EXOC6: variants seen among roughly 807,000 people sequenced by gnomAD.
EXOC6 encodes exocyst complex component 6.
In EXOC6, 60 loss-of-function variants were observed where a neutral mutation model predicts 112.5. The observed-to-expected ratio is 0.53, with a 90% CI of 0.43 to 0.66. The LOEUF is 0.66. EXOC6 is among the 30% of genes least tolerant of loss of function. EXOC6 has a pLI of 0.00. For synonymous variants in EXOC6, 295 were observed against 308.0 expected (o/e 0.96, Z 0.44); for missense variants, 855 against 957.1 (o/e 0.89, Z 1.41).
At chr10:93,016,247 C>T (rs1406277752) in intron 20 of EXOC6, among the ~76,000 whole-genome samples, 2 of 152,020 alleles carry the variant, frequency 1.3e-5, no homozygotes, top group Non-Finnish European at 2.9e-5. Context: ...AATTCTCCTG[C>T]TTTAGCCTCC....
chr10:93,022,554 A>G (rs1844835860), intron 20 of EXOC6, among the ~76,000 whole-genome samples: 1 of 152,172 alleles, frequency 6.6e-6, no homozygotes, highest in Non-Finnish European at 1.5e-5. Context: ...ATATGCAACT[A>G]ATTCCTTAGC....
intron 8 of EXOC6, among the ~76,000 whole-genome samples, chr10:92,926,679 A>G (rs1056631627): frequency 5.3e-5 from 8 of 152,084 alleles, no homozygotes; most frequent in African/African-American, 1.9e-4. Context: ...GATTACAGGC[A>G]CGTACCACCA....
At chr10:92,928,191 A>G (rs1851828577) in intron 8 of EXOC6, 148 bp from the exon 9 acceptor site, 1 of 502,362 alleles carries the variant, frequency 2.0e-6, no homozygotes, top group Non-Finnish European at 3.5e-6. Flanking sequence ...TAATGGCAAA[A>G]CTTATTCTTG....
At position 92,973,982 on chromosome 10, in the gene EXOC6, T is replaced by C. The variant is rs901320737; in HGVS notation, c.1774-71T>C. The C allele has an allele frequency of 1.0e-5, 12 of 1,203,860 alleles. No individual in the cohort carries two copies. The African/African-American group carries it at 1.9e-4, about 19-fold the overall frequency. 74.6% of individuals were successfully genotyped at this position (1,203,860 alleles called of 1,614,324 possible). On this transcript the variant is annotated intron_variant, in intron 17 of 21. Coordinates refer to ENST00000260762, the MANE Select transcript of EXOC6 (RefSeq NM_019053.6). ...TAAACCAAAGGTAAATGTAAAATAA[T>C]ATCTAGAATTGTAAGAACACTTGTT...
intron 17 of EXOC6, among the ~76,000 whole-genome samples, chr10:92,966,518 A>G (rs1156667901): frequency 7.1e-6 from 1 of 141,278 alleles, no homozygotes; most frequent in Non-Finnish European, 1.5e-5. Flanking sequence ...ATTCCCATCT[A>G]TGAGTGAGAA....
rs146657161 is a variant in EXOC6, at chr10:92,949,727, G to A, written c.1416+1348G>A. Among the ~76,000 whole-genome samples, 502 of 152,070 alleles carry A rather than the reference G, an allele frequency of 3.3e-3. 3 individuals are homozygous for A. Among genetic ancestry groups the A allele is most frequent in the African/African-American group, 0.012 (477 of 41,452 alleles). ...CCTGCCTCAGCCTCCCAAGTAGCTG[G>A]GATTACAGGCATGCGCCACCATGCC... On this transcript the variant is annotated intron_variant, in intron 14 of 21. Coordinates refer to ENST00000260762, the MANE Select transcript of EXOC6 (RefSeq NM_019053.6).
At chr10:92,853,792 C>T (rs571659063) in intron 1 of EXOC6, among the ~76,000 whole-genome samples, 37 of 151,974 alleles carry the variant, frequency 2.4e-4, no homozygotes, top group African/African-American at 7.7e-4. Flanking sequence ...TACTAGAAAA[C>T]ATAGGAGGAA....
intron 1 of EXOC6, among the ~76,000 whole-genome samples, chr10:92,871,254 C>T (rs1480223499): frequency 3.9e-5 from 6 of 152,172 alleles, no homozygotes; most frequent in South Asian, 2.1e-4. Context: ...CAGCCTAGCA[C>T]GGTGACTCAT....
At chr10:92,910,439 C>A (rs1850679423) in intron 6 of EXOC6, among the ~76,000 whole-genome samples, 1 of 152,044 alleles carries the variant, frequency 6.6e-6, no homozygotes, top group Non-Finnish European at 1.5e-5. Flanking sequence ...TGGAAAAAAT[C>A]AGAACAGTGG....
At chr10:93,041,402 A>G (rs1845770048) in intron 20 of EXOC6, among the ~76,000 whole-genome samples, 1 of 151,914 alleles carries the variant, frequency 6.6e-6, no homozygotes, top group Non-Finnish European at 1.5e-5. Context: ...TTATTTATTT[A>G]TTTATTTGAG....
chr10:92,916,292 CTTG>C (rs1851083320), intron 7 of EXOC6, among the ~76,000 whole-genome samples: 3 of 152,246 alleles, frequency 2.0e-5, no homozygotes, highest in Admixed American at 1.3e-4. Flanking sequence ...GGGTGGATCA[CTTG>C]AGGCAGGAGT....
chr10:92,856,811 T>G (rs1296658760), intron 1 of EXOC6, among the ~76,000 whole-genome samples: 1 of 152,138 alleles, frequency 6.6e-6, no homozygotes, highest in Non-Finnish European at 1.5e-5. Flanking sequence ...TCAGGCTCTG[T>G]TGTTAGATGC....
intron 5 of EXOC6, among the ~76,000 whole-genome samples, chr10:92,909,025 A>G (rs546835404): frequency 2.0e-5 from 3 of 152,262 alleles, no homozygotes; most frequent in African/African-American, 7.2e-5. Context: ...ATGTTATGTA[A>G]TTTTTGTGTG....
intron 1 of EXOC6, among the ~76,000 whole-genome samples, chr10:92,885,774 G>A (rs1000463456): frequency 6.6e-6 from 1 of 152,062 alleles, no homozygotes; most frequent in African/African-American, 2.4e-5. Context: ...GCTTTTGGAA[G>A]GGATGACTGA....
intron 5 of EXOC6, among the ~76,000 whole-genome samples, chr10:92,904,646 T>C (rs910524508): frequency 2.0e-5 from 3 of 152,098 alleles, no homozygotes; most frequent in African/African-American, 7.2e-5. Flanking sequence ...TTTGGATTGT[T>C]GAGTTTTAAG....
chr10:92,984,105 C>CT (rs1353346543), intron 18 of EXOC6, among the ~76,000 whole-genome samples: 1 of 152,120 alleles, frequency 6.6e-6, no homozygotes, highest in Non-Finnish European at 1.5e-5. Flanking sequence ...ATATTGTTCC[C>CT]TTTACACAAA....
At position 92,935,913 on chromosome 10, in the gene EXOC6, T is replaced by G. The variant is rs199927473; in HGVS notation, c.1212+28T>G. The G allele has an allele frequency of 4.4e-5, 62 of 1,394,054 alleles. No homozygotes were observed. The Admixed American group carries it at 6.2e-4, about 14-fold the overall frequency. 86.4% of individuals were successfully genotyped at this position (1,394,054 alleles called of 1,614,324 possible). The stretch of plus-strand genomic sequence containing the variant: ...GGGTGATAACCTAACAATTAATGGT[T>G]ATTCTGATCACTTAAAAACATACAA... On this transcript the variant is annotated intron_variant, in intron 12 of 21. Coordinates refer to ENST00000260762, the MANE Select transcript of EXOC6 (RefSeq NM_019053.6).
chr10:93,051,986 C>T (rs913285032), intron 20 of EXOC6, among the ~76,000 whole-genome samples: 1 of 152,164 alleles, frequency 6.6e-6, no homozygotes, highest in African/African-American at 2.4e-5. Flanking sequence ...CCTGAGCCCC[C>T]AGGTCACTGT....
chr10:92,966,974 T>G (rs1455075564), intron 17 of EXOC6, among the ~76,000 whole-genome samples: 6 of 136,638 alleles, frequency 4.4e-5, no homozygotes, highest in East Asian at 4.2e-4. Context: ...TTTTAATGAT[T>G]GCCATTCTAA....
Sources: allele counts gnomAD v4.1 joint callset (sites outside exome capture counted in the v4.1 genomes callset), GRCh38; gene constraint gnomAD v4.1.1; transcripts MANE v1.5; gene names NCBI Gene and HGNC (gene_info 2026-07-23, HGNC 2026-07-21).